The following ADAMTS17 variants were observed in gnomAD, a reference collection of about 807,000 sequenced individuals.
The protein encoded by ADAMTS17 is A disintegrin and metalloproteinase with thrombospondin motifs 17.
Under a neutral mutation model 141.5 loss-of-function variants are expected in ADAMTS17, and 113 were observed. The observed-to-expected ratio is 0.80, with a 90% CI of 0.69 to 0.93. ADAMTS17 has a LOEUF of 0.93. ADAMTS17 is among the 40% of genes least tolerant of loss of function. ADAMTS17 has a pLI of 0.00. For missense variants in ADAMTS17, 1,659 were observed against 1,517.9 expected (o/e 1.09, Z -1.54); for synonymous variants, 768 against 630.6 (o/e 1.22, Z -3.27).
chr15:100,107,903 T>C (rs902143971), intron 14 of ADAMTS17, among the ~76,000 whole-genome samples: 28 of 152,060 alleles, frequency 1.8e-4, no homozygotes, highest in African/African-American at 6.5e-4. Flanking sequence ...TCTCACAACA[T>C]GCCCAGCTTG....
intron 8 of ADAMTS17, among the ~76,000 whole-genome samples, chr15:100,156,088 T>TTTCA (rs1249178593): frequency 6.6e-6 from 1 of 152,186 alleles, no homozygotes; most frequent in African/African-American, 2.4e-5. Context: ...GAACATGTAC[T>TTTCA]TTCATTCATT....
At chr15:100,114,527 G>A (rs2036990299) in intron 13 of ADAMTS17, among the ~76,000 whole-genome samples, 1 of 152,146 alleles carries the variant, frequency 6.6e-6, no homozygotes, top group African/African-American at 2.4e-5. Context: ...AAGAAGTCAG[G>A]GCGATTCTAC....
At chr15:100,318,094 A>C (rs1214819316) in intron 3 of ADAMTS17, among the ~76,000 whole-genome samples, 1 of 152,132 alleles carries the variant, frequency 6.6e-6, no homozygotes, top group Non-Finnish European at 1.5e-5. Flanking sequence ...GACTGAGGTG[A>C]CGGGTCAGAG....
intron 15 of ADAMTS17, among the ~76,000 whole-genome samples, chr15:100,079,857 G>A (rs2034617609): frequency 6.6e-6 from 1 of 152,184 alleles, no homozygotes; most frequent in East Asian, 1.9e-4. Context: ...CTAAAGAGGT[G>A]TGGCAGTGGG....
At chr15:100,284,233 G>A (rs76077715) in intron 3 of ADAMTS17, among the ~76,000 whole-genome samples, 3,493 of 152,260 alleles carry the variant, frequency 0.023, 99 homozygotes, top group African/African-American at 0.072. Context: ...ACAGGGTGCC[G>A]TAAAGAGTGA....
At chr15:100,249,630 T>C (rs567677305) in intron 7 of ADAMTS17, among the ~76,000 whole-genome samples, 1 of 152,330 alleles carries the variant, frequency 6.6e-6, no homozygotes, top group African/African-American at 2.4e-5. Flanking sequence ...AGGTGCTGCC[T>C]GTGTTCCAAG....
chr15:100,299,675 T>A (rs571949223), intron 3 of ADAMTS17, among the ~76,000 whole-genome samples: 1 of 152,056 alleles, frequency 6.6e-6, no homozygotes, highest in Non-Finnish European at 1.5e-5. Flanking sequence ...CTGGGAATGG[T>A]TTCTTTTGAC....
At chr15:100,271,119 C>T (rs530834916) in intron 4 of ADAMTS17, among the ~76,000 whole-genome samples, 17 of 152,232 alleles carry the variant, frequency 1.1e-4, no homozygotes, top group South Asian at 4.1e-4. Context: ...TATACCTATA[C>T]GCTATATTTA....
chr15:100,079,054 C>T (rs11852671), intron 15 of ADAMTS17, among the ~76,000 whole-genome samples: 23,752 of 152,162 alleles, frequency 0.16, 3,584 homozygotes, highest in African/African-American at 0.4. Flanking sequence ...TAACAAAAAA[C>T]AGTAAGTTGG....
rs569463432 is a variant in ADAMTS17 at position 100,249,215 on chromosome 15, C to T, written c.1075+4921G>A. On this transcript the variant is annotated intron_variant, in intron 7 of 21. Transcript: ENST00000268070. The stretch of plus-strand genomic sequence containing the variant: ...CTCAGGAGAATCAGGGCCTTGGAAA[C>T]GCCAACTTTGCCTACACCACTAGCA... Among the ~76,000 whole-genome samples the T allele has an allele frequency of 5.3e-4, 81 of 152,254 alleles. 4 individuals carry two copies. The South Asian group carries it at 0.015, about 28-fold the overall frequency.
intron 8 of ADAMTS17, among the ~76,000 whole-genome samples, chr15:100,165,501 C>T (rs1412717322): frequency 6.6e-6 from 1 of 152,198 alleles, no homozygotes; most frequent in South Asian, 2.1e-4. Flanking sequence ...GGCTCCCATT[C>T]TCCTTCCCAC....
intron 2 of ADAMTS17, among the ~76,000 whole-genome samples, chr15:100,339,576 GCCCC>G (rs2046303114): frequency 8.7e-6 from 1 of 115,488 alleles, no homozygotes; most frequent in African/African-American, 3.5e-5. Flanking sequence ...CACATTCCCC[GCCCC>G]AGGTCCACAT....
intron 13 of ADAMTS17, among the ~76,000 whole-genome samples, chr15:100,110,050 T>C (rs1204393583): frequency 2.0e-5 from 3 of 151,908 alleles, no homozygotes; most frequent in Non-Finnish European, 2.9e-5. Context: ...GGATGACTTT[T>C]ATTCATCTTC....
chr15:100,143,034 G>A (rs1189204875), intron 10 of ADAMTS17, among the ~76,000 whole-genome samples: 3 of 152,328 alleles, frequency 2.0e-5, no homozygotes, highest in East Asian at 1.9e-4. Flanking sequence ...TTGGAGCCAC[G>A]ATGGTGGAAT....
chr15:100,277,690 C>T (rs551264205), intron 4 of ADAMTS17, among the ~76,000 whole-genome samples: 11 of 152,312 alleles, frequency 7.2e-5, no homozygotes, highest in African/African-American at 2.4e-4. Context: ...ACGAGGAACA[C>T]GGAACTATTT....
intron 12 of ADAMTS17, among the ~76,000 whole-genome samples, chr15:100,123,070 G>A (rs1164760477): frequency 6.6e-6 from 1 of 152,204 alleles, no homozygotes; most frequent in Non-Finnish European, 1.5e-5. Flanking sequence ...GGACTCAAAG[G>A]AGGCCCCAAC....
intron 3 of ADAMTS17, among the ~76,000 whole-genome samples, chr15:100,304,310 G>C (rs2045146656): frequency 6.6e-6 from 1 of 152,146 alleles, no homozygotes; most frequent in South Asian, 2.1e-4. Context: ...TAACTCTGTG[G>C]CCTGCTGGAT....
intron 8 of ADAMTS17, among the ~76,000 whole-genome samples, chr15:100,197,604 G>A (rs765355567): frequency 6.6e-6 from 1 of 152,150 alleles, no homozygotes; most frequent in Non-Finnish European, 1.5e-5. Flanking sequence ...ATAGTGTTGA[G>A]ATGAGATAAC....
At chr15:100,341,454 G>A in intron 1 of ADAMTS17, 45 bp from the exon 2 acceptor site, 1 of 1,008,562 alleles carries the variant, frequency 9.9e-7, no homozygotes, top group Non-Finnish European at 1.2e-6. Context: ...GGCCCGCCCG[G>A]ACGCCCGCCC....
Sources: gnomAD v4.1 joint callset for allele counts (sites outside exome capture counted in the v4.1 genomes callset) on GRCh38, gnomAD v4.1.1 for gene constraint, MANE v1.5 for transcripts, NCBI Gene and HGNC (gene_info 2026-07-23, HGNC 2026-07-21) for gene names.